KCNU1: variants seen among roughly 807,000 people sequenced by gnomAD.
The protein encoded by KCNU1 is potassium channel subfamily U member 1.
KCNU1 carries 93 observed loss-of-function variants against 126.8 expected under a neutral mutation model. That is an observed-to-expected ratio of 0.73 (90% CI 0.62 to 0.87). The LOEUF (loss-of-function observed/expected upper bound fraction) is 0.87. Ranked by LOEUF, KCNU1 falls within the 40% of genes least tolerant of loss-of-function variation. The probability of loss-of-function intolerance (pLI) is 0.00; values close to 1 mark genes in which losing one functional copy is unlikely to be tolerated. For synonymous variants in KCNU1, 523 were observed against 494.2 expected, an observed-to-expected ratio of 1.06 and a Z score of -0.77; for missense variants, 1,330 against 1,367.1, an observed-to-expected ratio of 0.97 and a Z score of 0.43.
chr8:36,929,611 C>A (rs1486996672), intron 24 of KCNU1, among the ~76,000 whole-genome samples: 1 of 151,984 alleles, frequency 6.6e-6, no homozygotes, highest in East Asian at 1.9e-4. Flanking sequence ...GCTTAGAAGA[C>A]CCAGGAAAGA....
Position 36,884,066 on chromosome 8 carries a change from A to G in KCNU1, c.2009+19545A>G, listed in dbSNP as rs558136231. On this transcript the variant is annotated intron_variant, in intron 19 of 26. Transcript: ENST00000399881. ...CGAAGTTTCATAGTAATGGCTAATT[A>G]CTGTTACCCACCTCTTTATTATTAA... 3.3e-5 allele frequency among the ~76,000 whole-genome samples: 5 copies of G among 152,310 alleles called. No homozygotes were observed. In the South Asian group the frequency reaches 1.0e-3, roughly 32 times the overall value.
intron 19 of KCNU1, among the ~76,000 whole-genome samples, chr8:36,885,206 C>T (rs1184697513): frequency 6.6e-6 from 1 of 152,076 alleles, no homozygotes; most frequent in Non-Finnish European, 1.5e-5. Flanking sequence ...AATGAAAGGC[C>T]TAGAAAAAGT....
At chr8:36,836,456 AG>A in intron 13 of KCNU1, 91 bp downstream of exon 13, 1 of 892,678 alleles carries the variant, frequency 1.1e-6, no homozygotes, top group Admixed American at 2.3e-5. Context: ...GTAAATAAAA[AG>A]TTTTTGCTAA....
intron 10 of KCNU1, among the ~76,000 whole-genome samples, chr8:36,824,051 G>A (rs1419237192): frequency 2.6e-5 from 4 of 152,140 alleles, no homozygotes; most frequent in Non-Finnish European, 5.9e-5. Flanking sequence ...TGGCCGGGCT[G>A]GTCTTGAACT....
At chr8:36,834,243 A>G (rs1804665697) in intron 11 of KCNU1, among the ~76,000 whole-genome samples, 1 of 152,234 alleles carries the variant, frequency 6.6e-6, no homozygotes, top group African/African-American at 2.4e-5. Flanking sequence ...TTGAAAGCCA[A>G]GATCTATAGA....
chr8:36,792,824 A>G (rs1048095746), intron 2 of KCNU1, among the ~76,000 whole-genome samples: 6 of 152,334 alleles, frequency 3.9e-5, no homozygotes, highest in African/African-American at 1.4e-4. Context: ...TAGGTTCTGC[A>G]TATAATAAGT....
chr8:36,887,137 A>G (rs1806736920), intron 19 of KCNU1, among the ~76,000 whole-genome samples: 1 of 152,086 alleles, frequency 6.6e-6, no homozygotes, highest in African/African-American at 2.4e-5. Context: ...TGACATAATT[A>G]CTTATATTGC....
chr8:36,860,706 A>G (rs1020259792), intron 18 of KCNU1, among the ~76,000 whole-genome samples: 9 of 152,174 alleles, frequency 5.9e-5, no homozygotes, highest in African/African-American at 1.9e-4. Flanking sequence ...ATCCCTTGAG[A>G]ACTGTTTTAG....
intron 19 of KCNU1, among the ~76,000 whole-genome samples, chr8:36,903,965 A>C (rs959754332): frequency 4.6e-5 from 7 of 152,126 alleles, no homozygotes; most frequent in Non-Finnish European, 1.0e-4. Context: ...ATTACCTCCC[A>C]CTGGGTCCCT....
chr8:36,824,956 A>G (rs558270452), intron 10 of KCNU1, among the ~76,000 whole-genome samples: 1 of 152,270 alleles, frequency 6.6e-6, no homozygotes, highest in Non-Finnish European at 1.5e-5. Flanking sequence ...ATTTTTGTAT[A>G]TGTATCTTGG....
chr8:36,805,093 T>A, intron 3 of KCNU1, 102 bp from the exon 4 acceptor site: 2 of 719,774 alleles, frequency 2.8e-6, no homozygotes, highest in South Asian at 3.7e-5. Context: ...GGATTCATGG[T>A]GAATAAAGAA....
At chr8:36,820,610 T>C in intron 10 of KCNU1, among the ~76,000 whole-genome samples, 1 of 145,102 alleles carries the variant, frequency 6.9e-6, no homozygotes, top group Middle Eastern at 3.5e-3. Context: ...TATAAGAAAA[T>C]TCAGAAAAAA....
rs545092949 is a variant in KCNU1 at position 36,820,313 on chromosome 8, G to A, written c.1106+2553G>A. 6.8e-4 allele frequency among the ~76,000 whole-genome samples: 104 copies of A among 152,268 alleles called. 1 individual carries two copies. Among genetic ancestry groups the A allele is most frequent in the African/African-American group, 2.5e-3 (103 of 41,556 alleles). On this transcript the variant is annotated intron_variant, in intron 10 of 26. Transcript: ENST00000399881. ...TGATACAACAAGTGGTACTCGAAGG[G>A]TGCTAGCATACCAAGAGCCAAAATG...
chr8:36,916,408 AAGGAAAG>A (rs1336503630), intron 22 of KCNU1, among the ~76,000 whole-genome samples: 1 of 151,370 alleles, frequency 6.6e-6, no homozygotes, highest in African/African-American at 2.4e-5. Context: ...GAAAGAAAGG[AAGGAAAG>A]AGGAAAGGAA....
At chr8:36,820,961 T>C (rs1402935351) in intron 10 of KCNU1, among the ~76,000 whole-genome samples, 3 of 152,168 alleles carry the variant, frequency 2.0e-5, no homozygotes, top group African/African-American at 7.2e-5. Context: ...GGATCTGACT[T>C]TTAAAGCATG....
chr8:36,910,914 CT>C lies in KCNU1; in HGVS notation c.2332-12del. The C allele has an allele frequency of 2.0e-6, 3 of 1,528,798 alleles. No individual in the cohort carries two copies. The highest frequency in any genetic ancestry group is 2.3e-5 in the East Asian group (1 of 43,212). The allele number at this position is 1,528,798 out of a possible 1,614,324, so 94.7% of individuals were successfully genotyped here. On this transcript the variant is annotated splice_polypyrimidine_tract_variant and intron_variant, in intron 21 of 26. Transcript: ENST00000399881. The stretch of plus-strand genomic sequence containing the variant: ...TCCATCCGACCAGTGCCTCCTCTCT[CT>C]TTTCCTCTCATTAGGGATGTGCACT...
chr8:36,850,964 C>G (rs1387364159), intron 18 of KCNU1, among the ~76,000 whole-genome samples: 2 of 152,224 alleles, frequency 1.3e-5, no homozygotes, highest in Non-Finnish European at 2.9e-5. Context: ...GCAAGTACCA[C>G]ACTGTCTTGA....
chr8:36,834,003 A>T (rs1585432247), intron 11 of KCNU1, among the ~76,000 whole-genome samples: 1 of 152,230 alleles, frequency 6.6e-6, no homozygotes, highest in East Asian at 1.9e-4. Context: ...TAGAATTCTT[A>T]CCAGAAGGCA....
intron 2 of KCNU1, among the ~76,000 whole-genome samples, chr8:36,801,768 G>A (rs753207902): frequency 6.6e-6 from 1 of 151,896 alleles, no homozygotes; most frequent in Non-Finnish European, 1.5e-5. Flanking sequence ...GCATGAAACC[G>A]TCAAACTTAG....
Sources: allele counts gnomAD v4.1 joint callset (sites outside exome capture counted in the v4.1 genomes callset), GRCh38; gene constraint gnomAD v4.1.1; transcripts MANE v1.5; gene names NCBI Gene and HGNC (gene_info 2026-07-23, HGNC 2026-07-21).